Variants in MROH6 observed in about 807,000 individuals in gnomAD.
MROH6 encodes maestro heat like repeat family member 6.
Under a neutral mutation model 67.7 loss-of-function variants are expected in MROH6, and 62 were observed. That is an observed-to-expected ratio of 0.92 (90% confidence interval 0.75 to 1.13). The LOEUF is 1.13. Among genes scored for constraint, MROH6 ranks in the 50% most tolerant of loss-of-function variants. MROH6 has a pLI of 0.00. For synonymous variants in MROH6, 566 were observed against 470.8 expected (o/e 1.20, Z -2.62); for missense variants, 1,175 against 1,029.1 (o/e 1.14, Z -1.94).
chr8:143,567,433 C>G lies in MROH6; in HGVS notation c.1966G>C (p.Ala656Pro). 3 of 1,327,392 alleles carry G rather than the reference C, an allele frequency of 2.3e-6. No homozygotes were observed. Among genetic ancestry groups the G allele is most frequent in the South Asian group, 4.0e-5 (2 of 50,158 alleles). 82.2% of individuals were successfully genotyped at this position (1,327,392 alleles called of 1,614,324 possible). ...LGRLQSDPKPAVAAAAHVSAQ... is the reference protein window; with the variant it reads ...LGRLQSDPKPPVAAAAHVSAQ... ...GACACGTGCGCTGCCGCGGCCACAG[C>G]CGGCTTGGGGTCGCTCTGCAGTCGC... The change falls in exon 14 of 14, where the codon GCT becomes CCT. Residue 656 changes from alanine to proline, a missense_variant. Ala to Pro is a conservative substitution (Grantham distance 27, BLOSUM62 -1). Coordinates refer to ENST00000398882, the MANE Select transcript of MROH6 (RefSeq NM_001100878.2).
At chr8:143,568,316 G>A (rs1332906153) in intron 10 of MROH6, 55 bp from the exon 11 acceptor site, 8 of 1,555,680 alleles carry the variant, frequency 5.1e-6, no homozygotes, top group Non-Finnish European at 7.0e-6. Flanking sequence ...AAGGCAAAAG[G>A]TGGGGTGGGA....
intron 1 of MROH6, 42 bp downstream of exon 1, chr8:143,572,379 C>T: frequency 2.0e-6 from 3 of 1,512,332 alleles, no homozygotes; most frequent in Non-Finnish European, 2.7e-6. Context: ...TCCACAGGAC[C>T]CCCAGGCCGG....
chr8:143,571,994 G>A (rs200340758), intron 2 of MROH6, 39 bp downstream of exon 2: 62 of 1,573,386 alleles, frequency 3.9e-5, no homozygotes, highest in African/African-American at 2.6e-4. Flanking sequence ...TGCCCGAACC[G>A]GCAGGATTCT....
In MROH6 at chr8:143,571,715, G is replaced by A. The variant is rs764301078; in HGVS notation, c.554C>T (p.Ala185Val). 8.4e-6 allele frequency: 13 copies of A among 1,550,752 alleles called. No homozygotes were observed. The highest frequency in any genetic ancestry group is 1.7e-4 in the Middle Eastern group (1 of 5,992). Reference protein sequence around the residue: ...RVLSALALEHARDVVCALLPR... With the variant: ...RVLSALALEHVRDVVCALLPR... ...TAGCAGCGCACACACCACGTCCCGC[G>A]CATGCTCCAGGGCCAGTGCGCTCAG... Residue 185 changes from alanine (A) to valine (V), a missense_variant, in exon 3 of 14, where the codon GCG (alanine) becomes GTG (valine). Physicochemically the swap from Ala to Val is moderately conservative, Grantham distance 64. Transcript: ENST00000398882.
Position 143,567,103 on chromosome 8 carries a change from A to C in MROH6, c.*136T>G. 1 of 258,952 alleles carries C rather than the reference A, an allele frequency of 3.9e-6. No individual in the cohort carries two copies. Among genetic ancestry groups the C allele is most frequent in the Non-Finnish European group, 5.6e-6 (1 of 179,298 alleles). 16.0% of individuals were successfully genotyped at this position (258,952 alleles called of 1,614,324 possible). A position where few individuals can be genotyped will look rare whatever the true frequency, so the allele number is the denominator to read the frequency against. On this transcript the variant is annotated 3_prime_UTR_variant, in exon 14 of 14. Transcript: ENST00000398882. ...GGTGGTGGGTGCCTGAAGAGGGGTC[A>C]CGGGGGTGGGGGGTGGGGGAGGGCA...
Position 143,572,088 on chromosome 8 carries a change from G to C in MROH6, c.392C>G (p.Thr131Arg), listed in dbSNP as rs1193198806. ...EEAGFAGTQA[T>R]VLTLSSALEA... is the part of the protein sequence containing the mutation. ...CAGGGCTGAGGACAGGGTGAGCACT[G>C]TCGCCTGGGTCCCTGCAAAGCCAGC... The change falls in exon 2 of 14, where the codon ACA becomes AGA. Residue 131 changes from threonine (T) to arginine (R), a missense_variant. Physicochemically the swap from Thr to Arg is moderately conservative, Grantham distance 71. Transcript: ENST00000398882. The C allele has an allele frequency of 1.2e-6, 2 of 1,612,712 alleles. No individual in the cohort carries two copies. Among genetic ancestry groups the C allele is most frequent in the African/African-American group, 2.7e-5 (2 of 74,928 alleles).
At position 143,570,816 on chromosome 8, in the gene MROH6, C is replaced by T. The variant is rs1823981828; in HGVS notation, c.720+61G>A. 2.8e-6 allele frequency: 4 copies of T among 1,426,124 alleles called. No homozygotes were observed. The South Asian group carries it at 5.0e-5, about 18-fold the overall frequency. The allele number at this position is 1,426,124 out of a possible 1,614,324, so 88.3% of individuals were successfully genotyped here. A position where few individuals can be genotyped will look rare whatever the true frequency, so the allele number is the denominator to read the frequency against. On this transcript the variant is annotated intron_variant, in intron 4 of 13. Coordinates refer to ENST00000398882, the MANE Select transcript of MROH6 (RefSeq NM_001100878.2). ...GTGCAAACTCCCTATGCCCATCCTC[C>T]CCGCTCCTCGCCACCCCCCACCCCC...
chr8:143,570,390 G>A lies in MROH6; in HGVS notation c.906-10C>T. 1.9e-6 allele frequency: 3 copies of A among 1,610,436 alleles called. No individual in the cohort carries two copies. The highest frequency in any genetic ancestry group is 2.5e-6 in the Non-Finnish European group (3 of 1,179,146). On this transcript the variant is annotated splice_polypyrimidine_tract_variant and intron_variant, in intron 5 of 13. Transcript: ENST00000398882. ...GGCCTCCACAGCACAGCTGGTGGTGGGGACAGTGAGCAGGTGGGCAGTGGG... is the reference window on the plus strand; with the variant it reads ...GGCCTCCACAGCACAGCTGGTGGTGAGGACAGTGAGCAGGTGGGCAGTGGG...
rs1289433294 is a variant in MROH6 at position 143,566,995 on chromosome 8, T to G, written c.*244A>C. On this transcript the variant is annotated 3_prime_UTR_variant, in exon 14 of 14. Coordinates refer to ENST00000398882, the MANE Select transcript of MROH6 (RefSeq NM_001100878.2). ...AGGAGCCAGGCCCAAGGTTGGGGCA[T>G]GGGGCATGCTCCAGGGGGCTGTGAG... 1.2e-5 allele frequency: 4 copies of G among 327,694 alleles called. No homozygotes were observed. Among genetic ancestry groups the G allele is most frequent in the East Asian group, 4.6e-5 (1 of 21,902 alleles). The allele number at this position is 327,694 out of a possible 1,614,324, so 20.3% of individuals were successfully genotyped here. A position where few individuals can be genotyped will look rare whatever the true frequency, so the allele number is the denominator to read the frequency against.
rs1390282451 is a variant in MROH6, at chr8:143,572,185, C to A, written c.295G>T (p.Val99Phe). Residue 99 changes from valine to phenylalanine, a missense_variant and splice_region_variant, in exon 2 of 14, where the codon GTT (valine) becomes TTT (phenylalanine). By Grantham distance (50) the Val-to-Phe change is conservative. Coordinates refer to ENST00000398882, the MANE Select transcript of MROH6 (RefSeq NM_001100878.2). ...LEPAPEGPHQ[V>F]PQSSWEEGVL... is the part of the protein sequence containing the mutation. ...CCCTCCTCCCAGGAACTCTGGGGAA[C>A]CTAGGGCAGGATGGGTGGGGCGTCT... 2 of 1,612,534 alleles carry A rather than the reference C, an allele frequency of 1.2e-6. No homozygotes were observed. Among genetic ancestry groups the A allele is most frequent in the East Asian group, 2.2e-5 (1 of 44,880 alleles).
At position 143,569,444 on chromosome 8, in the gene MROH6, G is replaced by C. The variant is rs60744435; in HGVS notation, c.1473C>G (p.Asp491Glu). 110 of 1,450,270 alleles carry C rather than the reference G, an allele frequency of 7.6e-5. No individual in the cohort carries two copies. The highest frequency in any genetic ancestry group is 9.7e-5 in the Non-Finnish European group (108 of 1,112,494). The allele number at this position is 1,450,270 out of a possible 1,614,324, so 89.8% of individuals were successfully genotyped here. A position where few individuals can be genotyped will look rare whatever the true frequency, so the allele number is the denominator to read the frequency against. ...CGGAGGCGGGGCGTTTGCTCACGTC[G>C]TCCAGTAGCGGAGGGAGGCGCGGTC... Reference protein sequence around the residue: ...ELGPRLPPLLDDTRDSIRASA... With the variant: ...ELGPRLPPLLEDTRDSIRASA... The change falls in exon 9 of 14, where the codon GAC becomes GAG. Residue 491 changes from aspartate to glutamate, a missense_variant. Coordinates refer to ENST00000398882, the MANE Select transcript of MROH6 (RefSeq NM_001100878.2).
intron 11 of MROH6, 49 bp from the exon 12 acceptor site, chr8:143,567,937 C>A: frequency 1.3e-6 from 2 of 1,491,220 alleles, no homozygotes; most frequent in Non-Finnish European, 1.8e-6. Context: ...ATCCTGAGTG[C>A]GGAGGAGGCT....
At position 143,572,482 on chromosome 8, in the gene MROH6, G is replaced by A; in HGVS notation, c.233C>T (p.Ala78Val). ...EPGRGATVPE[A>V]GSEPCSLNSA... ...GTTGAGGGAGCAGGGCTCGCTGCCA[G>A]CTTCAGGGACGGTGGCCCCACGTCC... Residue 78 changes from alanine (A) to valine (V), a missense_variant, in exon 1 of 14, where the codon GCT becomes GTT. Ala to Val is a moderately conservative substitution (Grantham distance 64). Transcript: ENST00000398882. The A allele has an allele frequency of 6.2e-7, 1 of 1,603,424 alleles. No homozygotes were observed. Among genetic ancestry groups the A allele is most frequent in the Non-Finnish European group, 8.5e-7 (1 of 1,177,098 alleles).
intron 11 of MROH6, 65 bp from the exon 12 acceptor site, chr8:143,567,953 G>A: frequency 1.4e-6 from 2 of 1,471,752 alleles, no homozygotes; most frequent in South Asian, 2.8e-5. Flanking sequence ...AGGCTGCAGA[G>A]CTGAATCCAG....
chr8:143,570,791 G>A (rs911494085), intron 4 of MROH6, 86 bp downstream of exon 4: 11 of 1,412,122 alleles, frequency 7.8e-6, no homozygotes, highest in Middle Eastern at 2.3e-4. Flanking sequence ...AGTTACCTAG[G>A]TGCAAACTCC....
At position 143,570,532 on chromosome 8, in the gene MROH6, G is replaced by T; in HGVS notation, c.846C>A (p.Ser282=). ...GAACCCAAATCTTGGGCATGTCGGG[G>T]GAGCACGGGCTGCGGGCCAGCTTGT... ...QLHKLARSPC[S]PDMPKIWVLS... The change falls in exon 5 of 14, where the codon TCC becomes TCA. Residue 282 remains serine, a synonymous_variant. Coordinates refer to ENST00000398882, the MANE Select transcript of MROH6 (RefSeq NM_001100878.2). 6.2e-7 allele frequency: 1 copy of T among 1,612,178 alleles called. No homozygotes were observed. Among genetic ancestry groups the T allele is most frequent in the Non-Finnish European group, 8.5e-7 (1 of 1,179,834 alleles).
In MROH6 at chr8:143,567,012, G is replaced by T; in HGVS notation, c.*227C>A. 1 of 344,840 alleles carries T rather than the reference G, an allele frequency of 2.9e-6. No homozygotes were observed. Among genetic ancestry groups the T allele is most frequent in the East Asian group, 4.3e-5 (1 of 23,504 alleles). The allele number at this position is 344,840 out of a possible 1,614,324, so 21.4% of individuals were successfully genotyped here. On this transcript the variant is annotated 3_prime_UTR_variant, in exon 14 of 14. Coordinates refer to ENST00000398882, the MANE Select transcript of MROH6 (RefSeq NM_001100878.2). The stretch of plus-strand genomic sequence containing the variant: ...TTGGGGCATGGGGCATGCTCCAGGG[G>T]GCTGTGAGAACAAGAGCCCTGACGG...
In MROH6 at chr8:143,571,686, G is replaced by T. The variant is rs371686442; in HGVS notation, c.583C>A (p.Arg195Ser). Residue 195 changes from arginine to serine, a missense_variant, in exon 3 of 14, where the codon CGC becomes AGC. Physicochemically the swap from Arg to Ser is moderately radical, Grantham distance 110. Coordinates refer to ENST00000398882, the MANE Select transcript of MROH6 (RefSeq NM_001100878.2). Reference sequence around the variant, plus strand: ...GGTTACCGATCGGCGGGCAGAGAGCGGGGTAGCAGCGCACACACCACGTCC... The same window carrying T: ...GGTTACCGATCGGCGGGCAGAGAGCTGGGTAGCAGCGCACACACCACGTCC... ...ARDVVCALLP[R>S]SLPADRVAAE... 6.4e-6 allele frequency: 10 copies of T among 1,553,960 alleles called. No individual in the cohort carries two copies. The highest frequency in any genetic ancestry group is 8.7e-6 in the Non-Finnish European group (10 of 1,149,574).
At position 143,568,534 on chromosome 8, in the gene MROH6, G is replaced by A; in HGVS notation, c.1644+18C>T. Reference sequence around the variant, plus strand: ...TGTTGGATGGCATAGGGGTGGGATGGTGTCGGGGGCTGCTGACCTCAGCAG... The same window carrying A: ...TGTTGGATGGCATAGGGGTGGGATGATGTCGGGGGCTGCTGACCTCAGCAG... On this transcript the variant is annotated intron_variant, in intron 10 of 13. Coordinates refer to ENST00000398882, the MANE Select transcript of MROH6 (RefSeq NM_001100878.2). 1 of 1,513,072 alleles carries A rather than the reference G, an allele frequency of 6.6e-7. No individual in the cohort carries two copies. The highest frequency in any genetic ancestry group is 8.8e-7 in the Non-Finnish European group (1 of 1,134,132). The allele number at this position is 1,513,072 out of a possible 1,614,324, so 93.7% of individuals were successfully genotyped here.
Sources: gnomAD v4.1 joint callset for allele counts on GRCh38, gnomAD v4.1.1 for gene constraint, MANE v1.5 for transcripts, NCBI Gene and HGNC (gene_info 2026-07-23, HGNC 2026-07-21) for gene names.